ACYP2: variants seen among roughly 807,000 people sequenced by gnomAD.
ACYP2 encodes acylphosphatase 2.
ACYP2 carries 12 observed loss-of-function variants against 11.2 expected under a neutral mutation model. That is an observed-to-expected ratio of 1.08 (90% CI 0.69 to 1.74). The LOEUF (loss-of-function observed/expected upper bound fraction) is 1.74, where lower values mean the gene tolerates loss of function less well. Ranked by LOEUF, ACYP2 falls within the 40% of genes most tolerant of loss-of-function variation. The probability of loss-of-function intolerance (pLI) is 0.00; values close to 1 mark genes in which losing one functional copy is unlikely to be tolerated. For missense variants in ACYP2, 134 were observed against 101.9 expected, an observed-to-expected ratio of 1.31 and a Z score of -1.35; for synonymous variants, 43 against 32.2, an observed-to-expected ratio of 1.33 and a Z score of -1.13.
intron 2 of ACYP2, among the ~76,000 whole-genome samples, chr2:54,047,956 C>A (rs957516034): frequency 7.9e-5 from 12 of 152,124 alleles, no homozygotes; most frequent in African/African-American, 2.7e-4. Context: ...TGAGTTCTTT[C>A]CCCCAGCCAA....
intron 6 of ACYP2, among the ~76,000 whole-genome samples, chr2:54,201,624 G>T (rs55805574): frequency 0.032 from 3,427 of 108,712 alleles, 112 homozygotes; most frequent in East Asian, 0.063. Flanking sequence ...TTCTTTCTTT[G>T]TTTCTTTCTT....
At chr2:54,271,846 T>A (rs978192829) in intron 6 of ACYP2, among the ~76,000 whole-genome samples, 16 of 152,168 alleles carry the variant, frequency 1.1e-4, no homozygotes, top group Admixed American at 1.3e-4. Context: ...CCTAGTCACT[T>A]TGATAAACTC....
chr2:54,207,046 A>G (rs1160260405), intron 6 of ACYP2, among the ~76,000 whole-genome samples: 1 of 151,652 alleles, frequency 6.6e-6, no homozygotes, highest in East Asian at 1.9e-4. Context: ...ACATGTATAT[A>G]TATGTATATA....
chr2:53,989,593 T>C (rs75973956), intron 2 of ACYP2, among the ~76,000 whole-genome samples: 10 of 152,314 alleles, frequency 6.6e-5, no homozygotes, highest in Admixed American at 1.3e-4. Flanking sequence ...TGGTGGGAAG[T>C]AGGCTCTGAC....
At chr2:54,094,581 A>T (rs1234226221) in intron 4 of ACYP2, among the ~76,000 whole-genome samples, 1 of 149,004 alleles carries the variant, frequency 6.7e-6, no homozygotes, top group African/African-American at 2.5e-5. Flanking sequence ...TCTATCGCCC[A>T]GGCTGGAAGG....
At chr2:54,171,729 A>G (rs1214512638) in intron 6 of ACYP2, among the ~76,000 whole-genome samples, 1 of 152,134 alleles carries the variant, frequency 6.6e-6, no homozygotes, top group African/African-American at 2.4e-5. Flanking sequence ...TAGAGTAAGT[A>G]AATCTAAGCT....
chr2:54,075,075 G>A (rs1026129998), intron 4 of ACYP2, among the ~76,000 whole-genome samples: 1 of 152,210 alleles, frequency 6.6e-6, no homozygotes, highest in Non-Finnish European at 1.5e-5. Flanking sequence ...ACTTTAGGAA[G>A]TGGCATTGTT....
chr2:54,042,572 C>T (rs1675292805), intron 2 of ACYP2, among the ~76,000 whole-genome samples: 1 of 152,206 alleles, frequency 6.6e-6, no homozygotes, highest in Non-Finnish European at 1.5e-5. Flanking sequence ...GAAGTTTCCA[C>T]AAACATACAA....
At chr2:54,097,534 A>C (rs1476718661) in intron 4 of ACYP2, among the ~76,000 whole-genome samples, 1 of 152,248 alleles carries the variant, frequency 6.6e-6, no homozygotes, top group Non-Finnish European at 1.5e-5. Flanking sequence ...GGATTTTTTA[A>C]ATCTAATTTT....
rs559702315 is a variant in ACYP2 at position 54,097,324 on chromosome 2, G to A, written c.278-38129G>A. On this transcript the variant is annotated intron_variant, in intron 4 of 6. Transcript: ENST00000607452. ...GGGAATGTGAGCTCCATGAGGACAG[G>A]GACTTTGATCTGTTCTCTTCATTTC... Among the ~76,000 whole-genome samples, 15 of 152,220 alleles carry A rather than the reference G, an allele frequency of 9.9e-5. No individual in the cohort carries two copies. The East Asian group carries it at 2.7e-3, about 27-fold the overall frequency.
At chr2:54,214,211 G>C (rs1316594338) in intron 6 of ACYP2, among the ~76,000 whole-genome samples, 1 of 152,270 alleles carries the variant, frequency 6.6e-6, no homozygotes, top group East Asian at 1.9e-4. Flanking sequence ...TCTGCTGATA[G>C]TTTATTTTGC....
At chr2:54,145,831 G>T (rs576971480) in intron 6 of ACYP2, among the ~76,000 whole-genome samples, 1 of 152,230 alleles carries the variant, frequency 6.6e-6, no homozygotes, top group African/African-American at 2.4e-5. Flanking sequence ...ACAGATCTAT[G>T]TGCAAATGTC....
Position 54,014,723 on chromosome 2 carries a change from T to TA in ACYP2, c.63-36225dup, listed in dbSNP as rs944781129. On this transcript the variant is annotated intron_variant, in intron 2 of 6. Transcript: ENST00000607452. ...TGAGCAAACTATAATAATAAATTTG[T>TA]AAAAAAAAAATTTTTTTTCTTTTTT... is the stretch of plus-strand genomic sequence containing the variant. 8.8e-5 allele frequency among the ~76,000 whole-genome samples: 13 copies of TA among 147,238 alleles called. No homozygotes were observed. The South Asian group carries it at 1.5e-3, about 17-fold the overall frequency.
At chr2:54,096,604 G>A (rs1480460521) in intron 4 of ACYP2, among the ~76,000 whole-genome samples, 1 of 152,164 alleles carries the variant, frequency 6.6e-6, no homozygotes, top group African/African-American at 2.4e-5. Context: ...GCCGAGGCTG[G>A]CGGATCCCTC....
At chr2:54,203,236 G>T (rs769963099) in intron 6 of ACYP2, among the ~76,000 whole-genome samples, 4 of 151,814 alleles carry the variant, frequency 2.6e-5, no homozygotes, top group Non-Finnish European at 5.9e-5. Flanking sequence ...TACTGTAAAT[G>T]GAATTATTTG....
At chr2:54,013,063 A>T (rs1023378320) in intron 2 of ACYP2, among the ~76,000 whole-genome samples, 13 of 152,038 alleles carry the variant, frequency 8.6e-5, no homozygotes, top group African/African-American at 3.1e-4. Context: ...ATCTGCATGC[A>T]TGACACGGTC....
At chr2:54,075,521 A>AGG (rs1553366373) in intron 4 of ACYP2, among the ~76,000 whole-genome samples, 1 of 58,148 alleles carries the variant, frequency 1.7e-5, no homozygotes. Context: ...AAAAGAAAGA[A>AGG]AAAAAAAAAG....
chr2:54,134,667 AT>A (rs1681118337), intron 4 of ACYP2, among the ~76,000 whole-genome samples: 2 of 152,232 alleles, frequency 1.3e-5, no homozygotes, highest in Admixed American at 1.3e-4. Context: ...AAAGAAACTA[AT>A]TTTCAAAAAC....
rs572388063 is a variant in ACYP2, at chr2:54,207,062, A to AG, written c.404+68317dup. ...CATGTATATATATGTATATATGTAG[A>AG]GGGAAAGTATGTGTCTGTATATATG... is the stretch of plus-strand genomic sequence containing the variant. On this transcript the variant is annotated intron_variant, in intron 6 of 6. Transcript: ENST00000607452. Among the ~76,000 whole-genome samples the AG allele has an allele frequency of 2.4e-4, 37 of 151,756 alleles. No homozygotes were observed. In the South Asian group the frequency reaches 6.9e-3, roughly 28 times the overall value.
Sources: allele counts gnomAD v4.1 joint callset (sites outside exome capture counted in the v4.1 genomes callset), GRCh38; gene constraint gnomAD v4.1.1; transcripts MANE v1.5; gene names NCBI Gene and HGNC (gene_info 2026-07-23, HGNC 2026-07-21).